PTPRN2: variants seen among roughly 807,000 people sequenced by gnomAD.
PTPRN2 encodes receptor-type tyrosine-protein phosphatase N2.
PTPRN2 carries 74 observed loss-of-function variants against 118.8 expected under a neutral mutation model. That is an observed-to-expected ratio of 0.62 (90% CI 0.52 to 0.76). The LOEUF (loss-of-function observed/expected upper bound fraction) is 0.76, where lower values mean the gene tolerates loss of function less well. Ranked by LOEUF, PTPRN2 falls within the 30% of genes least tolerant of loss-of-function variation. The pLI is 0.00. For synonymous variants in PTPRN2, 641 were observed against 608.0 expected (o/e 1.05, Z -0.80); for missense variants, 1,481 against 1,394.4 (o/e 1.06, Z -0.99).
intron 12 of PTPRN2, among the ~76,000 whole-genome samples, chr7:157,711,860 C>G (rs189645514): frequency 6.7e-6 from 1 of 150,228 alleles, no homozygotes; most frequent in Admixed American, 6.6e-5. Context: ...GTGTCTAAAT[C>G]CTTCGTGGGC....
At chr7:158,520,746 A>G (rs1823918891) in intron 1 of PTPRN2, among the ~76,000 whole-genome samples, 1 of 152,228 alleles carries the variant, frequency 6.6e-6, no homozygotes, top group Non-Finnish European at 1.5e-5. Context: ...ACGAAGAACG[A>G]TCGGGTGGCT....
intron 6 of PTPRN2, among the ~76,000 whole-genome samples, chr7:158,142,912 C>T (rs1022220975): frequency 6.6e-6 from 1 of 152,096 alleles, no homozygotes; most frequent in Non-Finnish European, 1.5e-5. Flanking sequence ...AGATGTGCTC[C>T]GGAATTAAAG....
In PTPRN2 at chr7:158,546,360, G is replaced by A. The variant is rs73729688; in HGVS notation, c.112+41198C>T. Among the ~76,000 whole-genome samples the A allele has an allele frequency of 8.8e-4, 134 of 152,356 alleles. No individual in the cohort carries two copies. The highest frequency in any genetic ancestry group is 3.1e-3 in the African/African-American group (130 of 41,586). On this transcript the variant is annotated intron_variant, in intron 1 of 22. Coordinates refer to ENST00000389418, the MANE Select transcript of PTPRN2 (RefSeq NM_002847.5). This position sits in a 1 kb window ranked among gnomAD's most constrained non-coding sequence, Gnocchi z 5.0. ...GAGGTGCCAGCTTTGCACTGTCAAA[G>A]GGAATCCCTCCCAGGGGAGGACGGA...
intron 3 of PTPRN2, among the ~76,000 whole-genome samples, chr7:158,276,526 C>T: frequency 6.6e-6 from 1 of 152,244 alleles, no homozygotes; most frequent in African/African-American, 2.4e-5. Flanking sequence ...CACCCCGGCC[C>T]CGACAGGCTG....
intron 6 of PTPRN2, among the ~76,000 whole-genome samples, chr7:158,164,259 G>A (rs1822677158): frequency 6.6e-6 from 1 of 151,364 alleles, no homozygotes; most frequent in African/African-American, 2.4e-5. Flanking sequence ...GCACGCGTAG[G>A]AAGAGCACGC....
intron 3 of PTPRN2, among the ~76,000 whole-genome samples, chr7:158,217,086 C>T (rs549461324): frequency 6.6e-6 from 1 of 152,308 alleles, no homozygotes; most frequent in East Asian, 1.9e-4. Flanking sequence ...ATTTTTAGCA[C>T]TAAATGCTTA....
intron 6 of PTPRN2, among the ~76,000 whole-genome samples, chr7:158,161,838 T>TCTGATAA (rs1414466950): frequency 6.6e-6 from 1 of 151,882 alleles, no homozygotes; most frequent in Non-Finnish European, 1.5e-5. Flanking sequence ...ATATCTGATA[T>TCTGATAA]CTGATAAAGG....
At chr7:158,117,679 A>G (rs1816835007) in intron 9 of PTPRN2, among the ~76,000 whole-genome samples, 1 of 152,194 alleles carries the variant, frequency 6.6e-6, no homozygotes, top group Admixed American at 6.5e-5. Flanking sequence ...GCAGCAAGAA[A>G]GAAGCAGTTC....
At chr7:158,160,420 G>A (rs1458671888) in intron 6 of PTPRN2, among the ~76,000 whole-genome samples, 1 of 152,144 alleles carries the variant, frequency 6.6e-6, no homozygotes, top group East Asian at 1.9e-4. Context: ...AGGTTTGGCG[G>A]CCTTTGGACT....
At chr7:157,565,983 T>C (rs1014181219) in intron 21 of PTPRN2, among the ~76,000 whole-genome samples, 1 of 152,250 alleles carries the variant, frequency 6.6e-6, no homozygotes, top group African/African-American at 2.4e-5. Flanking sequence ...CATTCCAAAC[T>C]GCATCATCGT....
intron 12 of PTPRN2, among the ~76,000 whole-genome samples, chr7:157,837,485 G>C (rs541167955): frequency 6.6e-6 from 1 of 151,324 alleles, no homozygotes; most frequent in Non-Finnish European, 1.5e-5. Flanking sequence ...AGTCATCCGA[G>C]ATGGCTCAGA....
intron 2 of PTPRN2, among the ~76,000 whole-genome samples, chr7:158,452,946 G>A (rs1003701448): frequency 6.6e-6 from 1 of 152,214 alleles, no homozygotes; most frequent in African/African-American, 2.4e-5. Flanking sequence ...ATCAACGCTG[G>A]TACAGCTGCA....
rs369604785 is a variant in PTPRN2 at position 157,906,480 on chromosome 7, C to T, written c.1724-7743G>A. 1.0e-3 allele frequency among the ~76,000 whole-genome samples: 159 copies of T among 152,336 alleles called. 6 individuals carry two copies. In the South Asian group the frequency reaches 0.029, roughly 28 times the overall value. ...TGAAAAGAACTCTAGCAGGGCCATA[C>T]GTGAGGCCCATGAGGGGCCCCACCT... On this transcript the variant is annotated intron_variant, in intron 11 of 22. Transcript: ENST00000389418.
chr7:157,715,068 C>T (rs1004084323), intron 12 of PTPRN2, among the ~76,000 whole-genome samples: 7 of 152,260 alleles, frequency 4.6e-5, no homozygotes, highest in African/African-American at 9.6e-5. Context: ...CTGAGCCCGA[C>T]GCGCTTGTCC....
At chr7:157,853,242 C>G (rs1385812183) in intron 12 of PTPRN2, among the ~76,000 whole-genome samples, 28 of 152,132 alleles carry the variant, frequency 1.8e-4, no homozygotes, top group Admixed American at 1.8e-3. Flanking sequence ...GATGGAGACC[C>G]AGAGGCTCAC....
chr7:158,222,279 A>C (rs1480809167), intron 3 of PTPRN2, among the ~76,000 whole-genome samples: 1 of 152,156 alleles, frequency 6.6e-6, no homozygotes, highest in Non-Finnish European at 1.5e-5. Context: ...GCACCTGTAC[A>C]TTCATCACGG....
In PTPRN2 at chr7:158,418,628, C is replaced by T. The variant is rs1052836853; in HGVS notation, c.163+71107G>A. Among the ~76,000 whole-genome samples the T allele has an allele frequency of 1.8e-4, 23 of 130,030 alleles. 1 individual carries two copies. The highest frequency in any genetic ancestry group is 5.0e-3 in the Middle Eastern group (1 of 202). The allele number at this position is 130,030 out of a possible 152,430, so 85.3% of individuals were successfully genotyped here. ...CTCCGTGTCCCGCTGTGTTAAGTCACGGTGTACTACATCAAGATGCTGTAG... is the reference window on the plus strand; with the variant it reads ...CTCCGTGTCCCGCTGTGTTAAGTCATGGTGTACTACATCAAGATGCTGTAG... On this transcript the variant is annotated intron_variant, in intron 2 of 22. Coordinates refer to ENST00000389418, the MANE Select transcript of PTPRN2 (RefSeq NM_002847.5).
rs1480154047 is a variant in PTPRN2 at position 158,244,157 on chromosome 7, G to T, written c.278-38884C>A. On this transcript the variant is annotated intron_variant, in intron 3 of 22. Coordinates refer to ENST00000389418, the MANE Select transcript of PTPRN2 (RefSeq NM_002847.5). ...AGAACAAGCTGCCTCCTTCCCCCAG[G>T]ACTTCCATGGTGGTTCCTGCTCAGC... Among the ~76,000 whole-genome samples the T allele has an allele frequency of 2.6e-5, 4 of 152,180 alleles. No individual in the cohort carries two copies. The East Asian group carries it at 7.7e-4, about 29-fold the overall frequency.
Position 158,508,954 on chromosome 7 carries a change from T to C in PTPRN2, c.113-19169A>G, listed in dbSNP as rs373967763. Among the ~76,000 whole-genome samples the C allele has an allele frequency of 6.6e-4, 100 of 152,000 alleles. 1 individual carries two copies. In the South Asian group the frequency reaches 0.02, roughly 31 times the overall value. On this transcript the variant is annotated intron_variant, in intron 1 of 22. Coordinates refer to ENST00000389418, the MANE Select transcript of PTPRN2 (RefSeq NM_002847.5). ...TGCTCCTGTGGGTGTCAGGGCAACG[T>C]GGGATGCTCAGGAGGGGGCCTCAGC...
Sources: gnomAD v4.1 joint callset for allele counts (sites outside exome capture counted in the v4.1 genomes callset) on GRCh38, gnomAD v4.1.1 for gene constraint, Gnocchi (gnomAD v3.1) non-coding constraint, MANE v1.5 for transcripts, NCBI Gene and HGNC (gene_info 2026-07-23, HGNC 2026-07-21) for gene names.